Variants in TENM3 observed in about 807,000 individuals in gnomAD.
The protein encoded by TENM3 is teneurin transmembrane protein 3, also known as teneurin-3.
TENM3 carries 63 observed loss-of-function variants against 255.1 expected under a neutral mutation model. That is an observed-to-expected ratio of 0.25 (90% CI 0.20 to 0.30). The LOEUF is 0.30. Among genes scored for constraint, TENM3 ranks in the 10% least tolerant of loss-of-function variants. The pLI, the probability that TENM3 is intolerant of heterozygous loss-of-function variation, is 1.00. For missense variants in TENM3, 2,929 were observed against 3,461.1 expected (o/e 0.85, Z 3.86); for synonymous variants, 1,306 against 1,322.3 (o/e 0.99, Z 0.27).
chr4:181,810,971 A>G, the TENM3 span, among the ~76,000 whole-genome samples: 1 of 152,104 alleles, frequency 6.6e-6, no homozygotes, highest in Non-Finnish European at 1.5e-5. Context: ...ATGAGTTATG[A>G]GGAAAGAGGG....
chr4:182,352,947 A>G (rs912694138), intron 3 of TENM3, among the ~76,000 whole-genome samples: 1 of 152,138 alleles, frequency 6.6e-6, no homozygotes, highest in Non-Finnish European at 1.5e-5. Context: ...AACTGCAGAT[A>G]GGTGAGAGAG....
chr4:182,615,198 A>G (rs909505146), intron 4 of TENM3, among the ~76,000 whole-genome samples: 2 of 151,806 alleles, frequency 1.3e-5, no homozygotes, highest in Non-Finnish European at 2.9e-5. Context: ...AATCTCTGGT[A>G]GTAGGTAAAG....
chr4:182,752,734 A>G (rs963740100), intron 20 of TENM3, among the ~76,000 whole-genome samples: 5 of 152,200 alleles, frequency 3.3e-5, no homozygotes, highest in Non-Finnish European at 7.4e-5. Flanking sequence ...CGGGGTCAAC[A>G]AAACACTAAC....
chr4:181,995,399 G>T, the TENM3 span, among the ~76,000 whole-genome samples: 9 of 152,128 alleles, frequency 5.9e-5, no homozygotes, highest in South Asian at 1.9e-3. Flanking sequence ...AATAACAATG[G>T]GGTGAGTGCT....
chr4:181,924,922 A>T, the TENM3 span, among the ~76,000 whole-genome samples: 3 of 152,240 alleles, frequency 2.0e-5, no homozygotes, highest in African/African-American at 7.2e-5. Context: ...GTGGCAACAT[A>T]AAAATATTGC....
chr4:182,036,638 G>A, the TENM3 span, among the ~76,000 whole-genome samples: 1 of 152,144 alleles, frequency 6.6e-6, no homozygotes, highest in South Asian at 2.1e-4. Context: ...CAAAGAATGT[G>A]GCATTTCGAT....
At chr4:181,754,976 G>T in the TENM3 span, among the ~76,000 whole-genome samples, 3 of 152,138 alleles carry the variant, frequency 2.0e-5, no homozygotes, top group Non-Finnish European at 4.4e-5. Flanking sequence ...ATTTTGGAAA[G>T]TCAGCTCTCA....
At chr4:181,790,618 G>A in the TENM3 span, among the ~76,000 whole-genome samples, 2 of 152,088 alleles carry the variant, frequency 1.3e-5, no homozygotes, top group East Asian at 3.8e-4. Flanking sequence ...GATAATGGAA[G>A]GAAACCTATC....
At chr4:182,066,248 G>A in the TENM3 span, among the ~76,000 whole-genome samples, 1 of 151,846 alleles carries the variant, frequency 6.6e-6, no homozygotes, top group South Asian at 2.1e-4. Flanking sequence ...ACCTGATGAC[G>A]TCAACCTTTT....
intron 1 of TENM3, among the ~76,000 whole-genome samples, chr4:182,238,052 G>T (rs145074857): frequency 6.6e-6 from 1 of 152,154 alleles, no homozygotes; most frequent in Non-Finnish European, 1.5e-5. Flanking sequence ...AGGTGGCTTG[G>T]TTGACAGTGT....
the TENM3 span, among the ~76,000 whole-genome samples, chr4:181,985,296 A>G: frequency 4.7e-4 from 71 of 151,436 alleles, no homozygotes; most frequent in Admixed American, 9.9e-4. Context: ...TTATTGTAGC[A>G]AATCAGCTAA....
intron 3 of TENM3, among the ~76,000 whole-genome samples, chr4:182,427,179 C>T (rs1771284762): frequency 6.6e-6 from 1 of 152,110 alleles, no homozygotes; most frequent in African/African-American, 2.4e-5. Context: ...TACTTCTACT[C>T]ATTAAACCAA....
At chr4:182,417,219 G>A (rs1050967155) in intron 3 of TENM3, among the ~76,000 whole-genome samples, 1 of 151,658 alleles carries the variant, frequency 6.6e-6, no homozygotes, top group African/African-American at 2.4e-5. Context: ...CTCGTGATCC[G>A]CTCGTCTCGG....
At chr4:182,032,757 A>G in the TENM3 span, among the ~76,000 whole-genome samples, 3 of 152,096 alleles carry the variant, frequency 2.0e-5, no homozygotes, top group African/African-American at 7.2e-5. Context: ...CAGGGATTCA[A>G]CTTCTGCCTG....
At chr4:182,463,208 A>C (rs1403705083) in intron 3 of TENM3, among the ~76,000 whole-genome samples, 1 of 152,228 alleles carries the variant, frequency 6.6e-6, no homozygotes, top group African/African-American at 2.4e-5. Flanking sequence ...TACTGAAAGT[A>C]ATAGTCTTGT....
chr4:181,936,467 G>C, the TENM3 span, among the ~76,000 whole-genome samples: 1 of 151,950 alleles, frequency 6.6e-6, no homozygotes, highest in Non-Finnish European at 1.5e-5. Context: ...TTACTTTGTA[G>C]AAATTGTGAG....
the TENM3 span, among the ~76,000 whole-genome samples, chr4:181,747,935 GC>G: frequency 2.6e-5 from 4 of 151,494 alleles, no homozygotes; most frequent in African/African-American, 9.7e-5. Context: ...ATTTCTATTT[GC>G]ATTTGGGTTT....
chr4:182,432,865 T>TGTGTGTGTGTGTGTGTG (rs1554066043), intron 3 of TENM3, among the ~76,000 whole-genome samples: 7 of 151,480 alleles, frequency 4.6e-5, no homozygotes, highest in South Asian at 4.2e-4. Context: ...TGTGTGTGTG[T>TGTGTGTGTGTGTGTGTG]TTTAGTAGAG....
intron 1 of TENM3, among the ~76,000 whole-genome samples, chr4:182,253,298 C>A (rs546114678): frequency 6.6e-6 from 1 of 152,162 alleles, no homozygotes; most frequent in Non-Finnish European, 1.5e-5. Flanking sequence ...ATGGTGAAAC[C>A]ATATCTCTAC....
Sources: allele counts gnomAD v4.1 joint callset (sites outside exome capture counted in the v4.1 genomes callset), GRCh38; gene constraint gnomAD v4.1.1; transcripts MANE v1.5; gene names NCBI Gene and HGNC (gene_info 2026-07-23, HGNC 2026-07-21).